Variants in TMEM132D observed in about 807,000 individuals in gnomAD.
TMEM132D encodes mature OL transmembrane protein.
A neutral mutation model predicts 62.3 loss-of-function variants in TMEM132D; 21 were observed. The ratio of observed to expected loss-of-function variants is 0.34; its 90% CI spans 0.24 to 0.49. The LOEUF (loss-of-function observed/expected upper bound fraction) is 0.49, where lower values mean the gene tolerates loss of function less well. TMEM132D is among the 20% of genes least tolerant of loss of function. The pLI is 0.99. For missense variants in TMEM132D, 1,346 were observed against 1,402.8 expected, an observed-to-expected ratio of 0.96 and a Z score of 0.65; for synonymous variants, 621 against 575.6, an observed-to-expected ratio of 1.08 and a Z score of -1.13.
intron 3 of TMEM132D, among the ~76,000 whole-genome samples, chr12:129,514,553 A>G (rs947932988): frequency 1.6e-4 from 25 of 152,192 alleles, no homozygotes; most frequent in African/African-American, 6.0e-4. Flanking sequence ...TGCTAACCTC[A>G]GTGAATTGAA....
intron 4 of TMEM132D, among the ~76,000 whole-genome samples, chr12:129,299,745 A>C (rs1420717714): frequency 6.6e-6 from 1 of 152,070 alleles, no homozygotes; most frequent in Non-Finnish European, 1.5e-5. Context: ...GGGAAATGAC[A>C]ATTACACCAT....
chr12:129,152,118 G>A lies in TMEM132D; in HGVS notation c.1443+57402C>T, dbSNP rs550783363. Among the ~76,000 whole-genome samples the A allele has an allele frequency of 1.3e-3, 197 of 152,234 alleles. 1 individual carries two copies. The highest frequency in any genetic ancestry group is 4.5e-3 in the African/African-American group (187 of 41,544). On this transcript the variant is annotated intron_variant, in intron 5 of 8. Transcript: ENST00000422113. The stretch of plus-strand genomic sequence containing the variant: ...TCTCGATCTCTTGACCTCATGATCT[G>A]ATCTACCCCCGCCTTGGCCTCCCAA...
intron 2 of TMEM132D, among the ~76,000 whole-genome samples, chr12:129,678,149 G>A (rs1880684487): frequency 6.6e-6 from 1 of 151,976 alleles, no homozygotes; most frequent in African/African-American, 2.4e-5. Flanking sequence ...TATATCTTTT[G>A]GTGAACAAGT....
At chr12:129,229,246 G>A (rs1879570250) in intron 4 of TMEM132D, among the ~76,000 whole-genome samples, 1 of 152,180 alleles carries the variant, frequency 6.6e-6, no homozygotes, top group Non-Finnish European at 1.5e-5. Flanking sequence ...TACTAAATCT[G>A]GTGATTTATC....
chr12:129,711,683 C>T (rs771470113), intron 1 of TMEM132D, among the ~76,000 whole-genome samples: 22 of 146,170 alleles, frequency 1.5e-4, no homozygotes, highest in Admixed American at 8.3e-4. Flanking sequence ...GCCGAGATCG[C>T]GCCATTGCAC....
At chr12:129,761,766 A>C (rs1870387004) in intron 1 of TMEM132D, among the ~76,000 whole-genome samples, 1 of 151,828 alleles carries the variant, frequency 6.6e-6, no homozygotes, top group Non-Finnish European at 1.5e-5. Flanking sequence ...TTAACTTCCA[A>C]CTTCTGTTGG....
chr12:129,891,564 C>T (rs1874925853), intron 1 of TMEM132D, among the ~76,000 whole-genome samples: 1 of 152,134 alleles, frequency 6.6e-6, no homozygotes, highest in Non-Finnish European at 1.5e-5. Flanking sequence ...ATGGTGCAGC[C>T]CTTTCAGGAA....
intron 3 of TMEM132D, among the ~76,000 whole-genome samples, chr12:129,368,220 C>T (rs1286542982): frequency 6.6e-6 from 1 of 151,422 alleles, no homozygotes; most frequent in African/African-American, 2.4e-5. Context: ...AGTTAAAACT[C>T]CAACTGAAGA....
At chr12:129,625,495 C>G (rs894530151) in intron 2 of TMEM132D, among the ~76,000 whole-genome samples, 2 of 152,118 alleles carry the variant, frequency 1.3e-5, no homozygotes, top group Non-Finnish European at 2.9e-5. Flanking sequence ...TCCTGAAGCC[C>G]AGAATTTTTC....
intron 2 of TMEM132D, among the ~76,000 whole-genome samples, chr12:129,541,064 C>T (rs191818476): frequency 3.3e-5 from 5 of 152,326 alleles, no homozygotes; most frequent in Middle Eastern, 3.4e-3. Flanking sequence ...AGAACGCATG[C>T]ATGCACACAT....
intron 2 of TMEM132D, among the ~76,000 whole-genome samples, chr12:129,654,809 G>T (rs996227206): frequency 1.3e-5 from 2 of 152,186 alleles, no homozygotes; most frequent in African/African-American, 4.8e-5. Flanking sequence ...TAGAAAAATT[G>T]TGTATATCTG....
chr12:129,118,253 T>C (rs1205787090), intron 5 of TMEM132D, among the ~76,000 whole-genome samples: 1 of 152,172 alleles, frequency 6.6e-6, no homozygotes, highest in Non-Finnish European at 1.5e-5. Context: ...AAATGGAAAA[T>C]GGATACCAAT....
At chr12:129,374,455 T>G (rs1256034357) in intron 3 of TMEM132D, among the ~76,000 whole-genome samples, 2 of 152,088 alleles carry the variant, frequency 1.3e-5, no homozygotes, top group East Asian at 3.9e-4. Context: ...ACACATTCAG[T>G]GCATAACAGA....
chr12:129,582,773 C>G (rs1455265571), intron 2 of TMEM132D, among the ~76,000 whole-genome samples: 1 of 152,056 alleles, frequency 6.6e-6, no homozygotes, highest in Non-Finnish European at 1.5e-5. Flanking sequence ...CACCCATCAC[C>G]ATGCCTGGCT....
chr12:129,768,276 T>C (rs149077611), intron 1 of TMEM132D, among the ~76,000 whole-genome samples: 2 of 152,294 alleles, frequency 1.3e-5, no homozygotes, highest in East Asian at 3.9e-4. Context: ...CTACTTTTAA[T>C]TTTTTAAGGA....
intron 3 of TMEM132D, among the ~76,000 whole-genome samples, chr12:129,392,834 T>C (rs925237992): frequency 5.3e-5 from 8 of 152,134 alleles, no homozygotes; most frequent in Non-Finnish European, 7.3e-5. Flanking sequence ...CTACAAAAAC[T>C]ACCAGGTAAT....
chr12:129,767,618 T>C (rs1219174217), intron 1 of TMEM132D, among the ~76,000 whole-genome samples: 1 of 152,214 alleles, frequency 6.6e-6, no homozygotes, highest in African/African-American at 2.4e-5. Flanking sequence ...GAATGGCTTT[T>C]CTCACTTAGC....
chr12:129,239,818 T>A (rs892538438), intron 4 of TMEM132D, among the ~76,000 whole-genome samples: 1 of 152,182 alleles, frequency 6.6e-6, no homozygotes, highest in African/African-American at 2.4e-5. Flanking sequence ...CCTTGAGAAA[T>A]GACAGAGGAT....
intron 4 of TMEM132D, among the ~76,000 whole-genome samples, chr12:129,278,829 A>T (rs1156872172): frequency 2.0e-5 from 3 of 152,202 alleles, no homozygotes. Flanking sequence ...AACTAGCTTA[A>T]TTTGGGGCAA....
Sources: gnomAD v4.1 joint callset for allele counts (sites outside exome capture counted in the v4.1 genomes callset) on GRCh38, gnomAD v4.1.1 for gene constraint, MANE v1.5 for transcripts, NCBI Gene and HGNC (gene_info 2026-07-23, HGNC 2026-07-21) for gene names.